Variants in PIWIL1 observed in about 807,000 individuals in gnomAD.
PIWIL1 encodes piwi like RNA-mediated gene silencing 1, also known as piwi-like protein 1.
In PIWIL1, 73 loss-of-function variants were observed where a neutral mutation model predicts 114.4. The observed-to-expected ratio is 0.64, with a 90% CI of 0.53 to 0.78. The LOEUF (loss-of-function observed/expected upper bound fraction) is 0.78. PIWIL1 is among the 30% of genes least tolerant of loss of function. The pLI is 0.00. For missense variants in PIWIL1, 723 were observed against 1,063.1 expected (o/e 0.68, Z 4.45); for synonymous variants, 375 against 369.0 (o/e 1.02, Z -0.19).
In PIWIL1 at chr12:130,371,284, C is replaced by T. The variant is rs746609580; in HGVS notation, c.2430C>T (p.Arg810=). ...GCCTGAAGCCAGACCACATACAGCG[C>T]TTGACCTACAAGCTGTGCCACATCT... ...NSGLKPDHIQ[R]LTYKLCHIYY... The change falls in exon 20 of 21, where the codon CGC becomes CGT. Residue 810 remains arginine, a synonymous_variant. Coordinates refer to ENST00000245255, the MANE Select transcript of PIWIL1 (RefSeq NM_004764.5). 7 of 1,614,100 alleles carry T rather than the reference C, an allele frequency of 4.3e-6. No individual in the cohort carries two copies. The highest frequency in any genetic ancestry group is 2.2e-5 in the East Asian group (1 of 44,900).
chr12:130,349,475 A>T, intron 8 of PIWIL1, 39 bp downstream of exon 8: 1 of 1,374,928 alleles, frequency 7.3e-7, no homozygotes, highest in Non-Finnish European at 1.0e-6. Context: ...ATTTTTTGTG[A>T]GTCAAAGTAT....
chr12:130,368,700 A>C (rs550057449), intron 19 of PIWIL1, among the ~76,000 whole-genome samples: 1 of 152,298 alleles, frequency 6.6e-6, no homozygotes, highest in Admixed American at 6.5e-5. Flanking sequence ...ATGCTTTCCA[A>C]CATTGCTACT....
intron 5 of PIWIL1, among the ~76,000 whole-genome samples, 170 bp from the exon 6 acceptor site, chr12:130,346,771 A>G (rs535314982): frequency 1.4e-4 from 22 of 152,212 alleles, no homozygotes; most frequent in Non-Finnish European, 3.1e-4. Flanking sequence ...TGATGATTAC[A>G]ATTGAGTTAT....
rs753102374 is a variant in PIWIL1, at chr12:130,342,684, G to T, written c.78+15G>T. ...GCTCCACTGCCGTGAGTGCTTCACC[G>T]TTTCTGACTACAGAAAATGTCTTTG... On this transcript the variant is annotated intron_variant, in intron 2 of 20. Transcript: ENST00000245255. 5 of 1,589,866 alleles carry T rather than the reference G, an allele frequency of 3.1e-6. No homozygotes were observed. The East Asian group carries it at 1.1e-4, about 36-fold the overall frequency.
chr12:130,393,631 A>G, the PIWIL1 span, among the ~76,000 whole-genome samples: 1 of 145,598 alleles, frequency 6.9e-6, no homozygotes, highest in African/African-American at 2.5e-5. Flanking sequence ...ATGAATAGCT[A>G]TGATTTCACT....
chr12:130,399,053 A>C, the PIWIL1 span: 1 of 871,092 alleles, frequency 1.1e-6, no homozygotes, highest in East Asian at 3.0e-5. Context: ...AGTCTACCAC[A>C]CTGGCCCGGT....
chr12:130,424,063 GAACA>G, the PIWIL1 span: 2 of 792,322 alleles, frequency 2.5e-6, no homozygotes, highest in South Asian at 6.5e-5. This position sits in a 1 kb window ranked among gnomAD's most constrained non-coding sequence, Gnocchi z 9.8. Context: ...ATGGACACCA[GAACA>G]AACAGAAAAC....
rs373833283 is a variant in PIWIL1 at position 130,355,709 on chromosome 12, G to A, written c.1404+42G>A. 119 of 1,332,538 alleles carry A rather than the reference G, an allele frequency of 8.9e-5. 2 individuals carry two copies. The African/African-American group carries it at 1.0e-3, about 12-fold the overall frequency. 82.5% of individuals were successfully genotyped at this position (1,332,538 alleles called of 1,614,324 possible). A position where few individuals can be genotyped will look rare whatever the true frequency, so the allele number is the denominator to read the frequency against. On this transcript the variant is annotated intron_variant, in intron 12 of 20. Transcript: ENST00000245255. ...TTGGTGTTGTTGTTGTTTTTGAGACGGAGTCTCGCTCTGTCCCCCAGGCAG... is the reference window on the plus strand; with the variant it reads ...TTGGTGTTGTTGTTGTTTTTGAGACAGAGTCTCGCTCTGTCCCCCAGGCAG...
intron 19 of PIWIL1, among the ~76,000 whole-genome samples, chr12:130,370,403 C>T (rs1362640416): frequency 1.3e-5 from 2 of 152,098 alleles, no homozygotes; most frequent in South Asian, 4.1e-4. Context: ...TGTCATTATT[C>T]CTTAAACAAT....
At chr12:130,414,231 G>A in the PIWIL1 span, 107 of 1,613,942 alleles carry the variant, frequency 6.6e-5, no homozygotes, top group African/African-American at 9.3e-5. Flanking sequence ...GATCCGGGCC[G>A]GGAGCTCTTC....
chr12:130,400,113 T>C, the PIWIL1 span, among the ~76,000 whole-genome samples: 1 of 152,154 alleles, frequency 6.6e-6, no homozygotes, highest in African/African-American at 2.4e-5. Context: ...GAAACACTCC[T>C]TGGCAGATCT....
the PIWIL1 span, chr12:130,383,260 A>G: frequency 6.6e-6 from 1 of 152,180 alleles, no homozygotes; most frequent in Non-Finnish European, 1.5e-5. Flanking sequence ...AGTTAATTTG[A>G]CCAGGGCCTG....
chr12:130,413,996 C>T, the PIWIL1 span: 1 of 988,138 alleles, frequency 1.0e-6, no homozygotes, highest in Non-Finnish European at 1.5e-6. Context: ...GCCACCTCCT[C>T]CCGTGCCTCG....
chr12:130,356,914 C>T lies in PIWIL1; in HGVS notation c.1405-4C>T. 6.3e-7 allele frequency: 1 copy of T among 1,599,442 alleles called. No homozygotes were observed. Among genetic ancestry groups the T allele is most frequent in the Non-Finnish European group, 8.5e-7 (1 of 1,170,246 alleles). ...ATTTACAGTGTGTCTGAACTCTCTT[C>T]TAGTTTGATTACAATCCACAATTTG... is the stretch of plus-strand genomic sequence containing the variant. On this transcript the variant is annotated splice_region_variant and splice_polypyrimidine_tract_variant and intron_variant, in intron 12 of 20. Coordinates refer to ENST00000245255, the MANE Select transcript of PIWIL1 (RefSeq NM_004764.5).
chr12:130,399,872 C>T, the PIWIL1 span: 1 of 1,588,664 alleles, frequency 6.3e-7, no homozygotes, highest in African/African-American at 1.3e-5. Flanking sequence ...CCACATCTTG[C>T]TTTGGCTAAA....
chr12:130,405,441 A>G, the PIWIL1 span, among the ~76,000 whole-genome samples: 6 of 152,134 alleles, frequency 3.9e-5, no homozygotes, highest in Non-Finnish European at 8.8e-5. Flanking sequence ...GTGGAAACAC[A>G]TGTGCAAGGT....
chr12:130,376,385 G>A (rs116024837), downstream of PIWIL1, among the ~76,000 whole-genome samples: 1,788 of 152,346 alleles, frequency 0.012, 36 homozygotes, highest in African/African-American at 0.041. Context: ...ATATGCCTGA[G>A]GGCGCGTTAG....
chr12:130,421,827 A>C, the PIWIL1 span, among the ~76,000 whole-genome samples: 1 of 152,174 alleles, frequency 6.6e-6, no homozygotes, highest in Admixed American at 6.5e-5. Context: ...CAATAATAGA[A>C]GTATCCCCCT....
At chr12:130,407,672 G>A in the PIWIL1 span, 6 of 1,386,626 alleles carry the variant, frequency 4.3e-6, no homozygotes, top group African/African-American at 4.3e-5. Flanking sequence ...TGTACCACGA[G>A]GGAAGGGAAG....
Sources: allele counts gnomAD v4.1 joint callset (sites outside exome capture counted in the v4.1 genomes callset), GRCh38; gene constraint gnomAD v4.1.1; non-coding constraint Gnocchi (gnomAD v3.1); transcripts MANE v1.5; gene names NCBI Gene and HGNC (gene_info 2026-07-23, HGNC 2026-07-21).